The following KCNMA1 variants were observed in gnomAD, a reference collection of about 807,000 sequenced individuals.
The protein encoded by KCNMA1 is Calcium-activated potassium channel subunit alpha-1.
Under a neutral mutation model 140.0 loss-of-function variants are expected in KCNMA1, and 29 were observed. The observed-to-expected ratio is 0.21, with a 90% CI of 0.15 to 0.28. The LOEUF (loss-of-function observed/expected upper bound fraction) is 0.28, where lower values mean the gene tolerates loss of function less well. KCNMA1 is among the 10% of genes least tolerant of loss of function. The pLI, the probability that KCNMA1 is intolerant of heterozygous loss-of-function variation, is 1.00. For synonymous variants in KCNMA1, 612 were observed against 611.9 expected (o/e 1.00, Z 0.00); for missense variants, 880 against 1,602.2 (o/e 0.55, Z 7.70).
chr10:77,121,981 T>A (rs2153951541), intron 5 of KCNMA1, among the ~76,000 whole-genome samples: 1 of 152,348 alleles, frequency 6.6e-6, no homozygotes, highest in South Asian at 2.1e-4. Flanking sequence ...GCAGACTTTC[T>A]AGAAGCATTT....
chr10:76,974,404 A>T, intron 19 of KCNMA1: 1 of 830,072 alleles, frequency 1.2e-6, no homozygotes, highest in East Asian at 2.7e-5. Context: ...CTCTTCTTCA[A>T]CTGAGCTCAG....
chr10:77,396,050 C>A (rs1051639452), intron 2 of KCNMA1, among the ~76,000 whole-genome samples: 3 of 152,094 alleles, frequency 2.0e-5, no homozygotes, highest in African/African-American at 7.2e-5. Flanking sequence ...AATACAGAAC[C>A]ACTATTAAGT....
At chr10:77,430,559 C>T (rs534592052) in intron 1 of KCNMA1, among the ~76,000 whole-genome samples, 2 of 152,312 alleles carry the variant, frequency 1.3e-5, no homozygotes, top group African/African-American at 4.8e-5. Flanking sequence ...GGCTCCACCA[C>T]CACCATCCAG....
intron 1 of KCNMA1, among the ~76,000 whole-genome samples, chr10:77,505,435 C>A (rs1294114227): frequency 6.6e-6 from 1 of 152,196 alleles, no homozygotes; most frequent in African/African-American, 2.4e-5. Flanking sequence ...TTCCAAAAAC[C>A]CTAACAGAAG....
chr10:77,114,883 C>T (rs2097418807), intron 6 of KCNMA1, among the ~76,000 whole-genome samples: 1 of 152,190 alleles, frequency 6.6e-6, no homozygotes, highest in South Asian at 2.1e-4. Context: ...GGTTGCCCAA[C>T]CCATTAGTTT....
At chr10:77,386,734 T>C (rs2095615869) in intron 2 of KCNMA1, among the ~76,000 whole-genome samples, 1 of 152,212 alleles carries the variant, frequency 6.6e-6, no homozygotes, top group Non-Finnish European at 1.5e-5. Context: ...GCTCCCAGGA[T>C]GAAACTGAGG....
intron 2 of KCNMA1, among the ~76,000 whole-genome samples, chr10:77,340,303 G>GCAATT (rs2090496009): frequency 6.6e-6 from 1 of 152,144 alleles, no homozygotes; most frequent in African/African-American, 2.4e-5. Context: ...AGACAGTGTG[G>GCAATT]CAATTCTTCA....
chr10:77,332,923 A>C (rs2087063671), intron 2 of KCNMA1, among the ~76,000 whole-genome samples: 1 of 152,260 alleles, frequency 6.6e-6, no homozygotes, highest in African/African-American at 2.4e-5. Context: ...CTAATTAGAC[A>C]GCTTTTCTAG....
intron 1 of KCNMA1, among the ~76,000 whole-genome samples, chr10:77,530,147 G>A (rs1045947368): frequency 7.2e-5 from 11 of 152,206 alleles, no homozygotes; most frequent in African/African-American, 2.7e-4. Context: ...AGAGACACAG[G>A]CAATGCTAAA....
At chr10:77,482,808 T>C (rs2098413355) in intron 1 of KCNMA1, among the ~76,000 whole-genome samples, 1 of 152,078 alleles carries the variant, frequency 6.6e-6, no homozygotes, top group Non-Finnish European at 1.5e-5. Flanking sequence ...GCAGTTTTTG[T>C]CTCAGCTACC....
chr10:77,396,966 T>C (rs2096075507), intron 2 of KCNMA1, among the ~76,000 whole-genome samples: 1 of 152,184 alleles, frequency 6.6e-6, no homozygotes, highest in Admixed American at 6.5e-5. Context: ...ATTGAATCTG[T>C]CAGGGGGTTG....
chr10:76,918,513 G>C (rs1358446044), intron 23 of KCNMA1, among the ~76,000 whole-genome samples: 1 of 152,124 alleles, frequency 6.6e-6, no homozygotes, highest in African/African-American at 2.4e-5. Flanking sequence ...TAAGTATCAG[G>C]AAAATGCAAA....
chr10:77,050,357 A>C (rs764405136), intron 14 of KCNMA1, among the ~76,000 whole-genome samples: 2 of 152,034 alleles, frequency 1.3e-5, no homozygotes, highest in Non-Finnish European at 2.9e-5. Flanking sequence ...TTGAATCCAC[A>C]TAGGAATGGG....
At chr10:76,884,793 A>G, downstream of KCNMA1, 1 of 709,382 alleles carries the variant, frequency 1.4e-6, no homozygotes, top group Non-Finnish European at 2.1e-6. Context: ...GGAGAGGGAA[A>G]GGGGAGGGGG....
At chr10:77,243,164 C>T (rs1797638635) in intron 3 of KCNMA1, among the ~76,000 whole-genome samples, 1 of 150,958 alleles carries the variant, frequency 6.6e-6, no homozygotes. Context: ...CCCATGAACC[C>T]CATGATAAAG....
At chr10:77,169,379 A>AT (rs1193338202) in intron 5 of KCNMA1, among the ~76,000 whole-genome samples, 8 of 151,994 alleles carry the variant, frequency 5.3e-5, no homozygotes, top group African/African-American at 1.9e-4. Context: ...GTTTAATTTA[A>AT]TTTAATTTTT....
At chr10:77,139,820 C>T (rs1235781761) in intron 5 of KCNMA1, among the ~76,000 whole-genome samples, 1 of 151,976 alleles carries the variant, frequency 6.6e-6, no homozygotes, top group African/African-American at 2.4e-5. Context: ...TAAAAAAGTA[C>T]CACCCAAGAC....
intron 1 of KCNMA1, among the ~76,000 whole-genome samples, chr10:77,443,092 T>C (rs1033294253): frequency 6.6e-5 from 10 of 152,102 alleles, no homozygotes; most frequent in African/African-American, 2.4e-4. Flanking sequence ...TACACACACA[T>C]AGACAGGGAA....
downstream of KCNMA1, among the ~76,000 whole-genome samples, chr10:76,883,242 A>T (rs187276220): frequency 1.0e-3 from 157 of 152,294 alleles, no homozygotes; most frequent in African/African-American, 3.1e-3. Context: ...ATATTTTTTT[A>T]AAAAAATCAA....
Sources: allele counts gnomAD v4.1 joint callset (sites outside exome capture counted in the v4.1 genomes callset), GRCh38; gene constraint gnomAD v4.1.1; transcripts MANE v1.5; gene names NCBI Gene and HGNC (gene_info 2026-07-23, HGNC 2026-07-21).